EPS15: variants seen among roughly 807,000 people sequenced by gnomAD.
EPS15 encodes the protein epidermal growth factor receptor pathway substrate 15.
Under a neutral mutation model 113.8 loss-of-function variants are expected in EPS15, and 72 were observed. That is an observed-to-expected ratio of 0.63 (90% confidence interval 0.52 to 0.77). The LOEUF (loss-of-function observed/expected upper bound fraction) is 0.77. Among genes scored for constraint, EPS15 ranks in the 30% least tolerant of loss-of-function variants. The pLI is 0.00. For missense variants in EPS15, 1,048 were observed against 1,045.8 expected (o/e 1.00, Z -0.03); for synonymous variants, 344 against 363.4 (o/e 0.95, Z 0.61).
intron 8 of EPS15, among the ~76,000 whole-genome samples, chr1:51,450,744 T>C (rs933347633): frequency 3.3e-5 from 5 of 151,820 alleles, no homozygotes; most frequent in Non-Finnish European, 7.4e-5. Flanking sequence ...CCATATGAAA[T>C]GCTGTATGAA....
At chr1:51,403,596 A>G in intron 16 of EPS15, 64 bp from the exon 17 acceptor site, 2 of 796,298 alleles carry the variant, frequency 2.5e-6, no homozygotes, top group East Asian at 2.8e-5. Context: ...AAAACTGACT[A>G]AAGATAACCA....
chr1:51,409,512 A>G (rs770044515), intron 14 of EPS15, 23 bp downstream of exon 14: 7 of 1,594,468 alleles, frequency 4.4e-6, no homozygotes, highest in Non-Finnish European at 6.0e-6. Context: ...AGGTGCAGGC[A>G]GCAGGAAACA....
chr1:51,454,607 G>A (rs1468249461), intron 8 of EPS15, among the ~76,000 whole-genome samples: 2 of 152,160 alleles, frequency 1.3e-5, no homozygotes, highest in Non-Finnish European at 2.9e-5. Flanking sequence ...ACATTCTGTG[G>A]GATATCTAGC....
intron 12 of EPS15, among the ~76,000 whole-genome samples, chr1:51,430,567 C>CAAAA (rs1284100143): frequency 3.4e-4 from 31 of 91,848 alleles, no homozygotes; most frequent in African/African-American, 1.2e-3. Context: ...GACTTCGTCT[C>CAAAA]AAAAAAAAAA....
At chr1:51,442,769 T>C (rs1013756513) in intron 11 of EPS15, among the ~76,000 whole-genome samples, 2 of 152,060 alleles carry the variant, frequency 1.3e-5, no homozygotes, top group African/African-American at 2.4e-5. Context: ...ATGTATCTTG[T>C]AAACCAAAAA....
chr1:51,482,667 T>C (rs1553134461), intron 1 of EPS15, among the ~76,000 whole-genome samples: 1 of 152,100 alleles, frequency 6.6e-6, no homozygotes, highest in Non-Finnish European at 1.5e-5. Flanking sequence ...GGTTTCGCCA[T>C]GTTGTCTAGG....
chr1:51,513,392 A>G (rs1047775171), intron 1 of EPS15, among the ~76,000 whole-genome samples: 4 of 152,212 alleles, frequency 2.6e-5, no homozygotes, highest in African/African-American at 7.2e-5. Context: ...GTTATAGAGC[A>G]ATCTCCTAAA....
Position 51,440,357 on chromosome 1 carries a change from C to A in EPS15, c.1030G>T (p.Asp344Tyr). 1 of 1,548,912 alleles carries A rather than the reference C, an allele frequency of 6.5e-7. No individual in the cohort carries two copies. The highest frequency in any genetic ancestry group is 8.8e-7 in the Non-Finnish European group (1 of 1,131,934). ...ELDTLNNEIV[D>Y]LQREKNNVEQ... Reference sequence around the variant, plus strand: ...TTTTGCTTTACATACCTCTGTAGGTCAACTATTTCATTGTTAAGAGTATCT... The same window carrying A: ...TTTTGCTTTACATACCTCTGTAGGTAAACTATTTCATTGTTAAGAGTATCT... Residue 344 changes from aspartate (D) to tyrosine (Y), a missense_variant, in exon 12 of 25, where the codon GAC (aspartate) becomes TAC (tyrosine). Transcript: ENST00000371733.
chr1:51,508,296 G>GAAAGAA (rs35533870), intron 1 of EPS15, among the ~76,000 whole-genome samples: 1 of 131,278 alleles, frequency 7.6e-6, no homozygotes, highest in Non-Finnish European at 1.6e-5. Flanking sequence ...GAGAAAGAGA[G>GAAAGAA]AGAGAGAAAG....
chr1:51,372,184 G>T, intron 21 of EPS15: 1 of 402,178 alleles, frequency 2.5e-6, no homozygotes, highest in Non-Finnish European at 5.0e-6. Context: ...AAAAAATTAA[G>T]TAGTCTTCAC....
chr1:51,482,114 G>A (rs556671214), intron 1 of EPS15, among the ~76,000 whole-genome samples: 3 of 152,146 alleles, frequency 2.0e-5, no homozygotes, highest in Non-Finnish European at 2.9e-5. Flanking sequence ...TGGCTGCGGT[G>A]AGCTGTGACT....
chr1:51,399,412 C>A (rs942497666), intron 19 of EPS15, among the ~76,000 whole-genome samples: 1 of 152,000 alleles, frequency 6.6e-6, no homozygotes, highest in Non-Finnish European at 1.5e-5. Context: ...ATTAGCCAGG[C>A]ATGGTGGTGC....
At chr1:51,468,589 T>A (rs766331867) in intron 4 of EPS15, 21 bp from the exon 5 acceptor site, 17 of 1,529,254 alleles carry the variant, frequency 1.1e-5, no homozygotes, top group Non-Finnish European at 1.5e-5. Flanking sequence ...AAAGTATGAA[T>A]GTTAAGAGCA....
intron 19 of EPS15, among the ~76,000 whole-genome samples, chr1:51,400,530 A>G (rs1313195190): frequency 6.6e-6 from 1 of 151,810 alleles, no homozygotes; most frequent in Non-Finnish European, 1.5e-5. Context: ...CCCTGTCTCT[A>G]CAAAAAATAA....
intron 12 of EPS15, among the ~76,000 whole-genome samples, chr1:51,434,672 T>C (rs923353827): frequency 2.0e-5 from 3 of 152,128 alleles, no homozygotes; most frequent in African/African-American, 7.2e-5. Flanking sequence ...TGTGAATATA[T>C]TTCTTTTTCT....
At chr1:51,445,118 T>A (rs1652912360) in intron 10 of EPS15, 73 bp from the exon 11 acceptor site, 2 of 1,372,588 alleles carry the variant, frequency 1.5e-6, no homozygotes, top group Non-Finnish European at 2.0e-6. Context: ...AGTACCACTA[T>A]GCAGCTTTTT....
Position 51,416,538 on chromosome 1 carries a change from A to C in EPS15, c.1113+5248T>G, listed in dbSNP as rs553991680. Among the ~76,000 whole-genome samples the C allele has an allele frequency of 9.1e-4, 139 of 152,336 alleles. 1 individual carries two copies. The highest frequency in any genetic ancestry group is 3.3e-3 in the African/African-American group (136 of 41,584). ...TTGGCTTTACTTAAAAAGAAATTTC[A>C]AGGAAAACGTCCTGTTTTCTAGAAA... is the stretch of plus-strand genomic sequence containing the variant. On this transcript the variant is annotated intron_variant, in intron 13 of 24. Transcript: ENST00000371733.
At chr1:51,456,724 A>G (rs1281212629) in intron 8 of EPS15, among the ~76,000 whole-genome samples, 1 of 152,248 alleles carries the variant, frequency 6.6e-6, no homozygotes, top group Non-Finnish European at 1.5e-5. Context: ...ATGCTTGTAA[A>G]TAAAAACAAA....
chr1:51,466,965 A>G (rs747084046), intron 5 of EPS15, among the ~76,000 whole-genome samples: 20 of 152,238 alleles, frequency 1.3e-4, no homozygotes, highest in Admixed American at 7.2e-4. Flanking sequence ...CTAGAATTCA[A>G]TAAGTAAAAG....
Sources: allele counts gnomAD v4.1 joint callset (sites outside exome capture counted in the v4.1 genomes callset), GRCh38; gene constraint gnomAD v4.1.1; transcripts MANE v1.5; gene names NCBI Gene and HGNC (gene_info 2026-07-23, HGNC 2026-07-21).